Variants in SAMTOR observed in about 807,000 individuals in gnomAD.
SAMTOR encodes the protein S-adenosylmethionine sensor upstream of mTORC1.
the SAMTOR span, among the ~76,000 whole-genome samples, chr7:112,925,376 G>C: frequency 6.6e-6 from 1 of 152,130 alleles, no homozygotes; most frequent in Non-Finnish European, 1.5e-5. Context: ...ATACATAAAT[G>C]TATTATATGT....
At chr7:112,921,354 C>T in the SAMTOR span, among the ~76,000 whole-genome samples, 29 of 151,530 alleles carry the variant, frequency 1.9e-4, no homozygotes, top group East Asian at 1.9e-3. Context: ...GGAAAGGATT[C>T]CCTATTTAAT....
chr7:112,866,908 T>C, the SAMTOR span, among the ~76,000 whole-genome samples: 1 of 152,240 alleles, frequency 6.6e-6, no homozygotes. Context: ...TCAAACAATG[T>C]TACTGCTATA....
chr7:112,883,688 T>C, the SAMTOR span, among the ~76,000 whole-genome samples: 1 of 152,214 alleles, frequency 6.6e-6, no homozygotes, highest in South Asian at 2.1e-4. Flanking sequence ...TATGATAAAT[T>C]ACCTATATTT....
At chr7:112,914,577 C>T in the SAMTOR span, among the ~76,000 whole-genome samples, 1 of 151,842 alleles carries the variant, frequency 6.6e-6, no homozygotes, top group Non-Finnish European at 1.5e-5. Flanking sequence ...TGCTGGAATA[C>T]CCTGAACCGT....
chr7:112,906,573 CT>C, the SAMTOR span, among the ~76,000 whole-genome samples: 17 of 144,502 alleles, frequency 1.2e-4, no homozygotes, highest in Admixed American at 3.4e-4. Flanking sequence ...AAAGACATAT[CT>C]TTTTTTTTTT....
chr7:112,822,116 A>C, the SAMTOR span: 1 of 1,613,842 alleles, frequency 6.2e-7, no homozygotes, highest in Non-Finnish European at 8.5e-7. Flanking sequence ...GACGGTTCTG[A>C]TGGGAGGAAT....
At chr7:112,894,518 T>C in the SAMTOR span, among the ~76,000 whole-genome samples, 6 of 152,170 alleles carry the variant, frequency 3.9e-5, no homozygotes, top group South Asian at 2.1e-4. Context: ...AGAGGTTTAA[T>C]GGACTCACAG....
chr7:112,937,197 G>T, the SAMTOR span, among the ~76,000 whole-genome samples: 1 of 152,150 alleles, frequency 6.6e-6, no homozygotes, highest in Non-Finnish European at 1.5e-5. Context: ...CTGCTGATCA[G>T]CCATGTTTGG....
chr7:112,886,064 G>A, the SAMTOR span, among the ~76,000 whole-genome samples: 1 of 152,082 alleles, frequency 6.6e-6, no homozygotes, highest in African/African-American at 2.4e-5. Flanking sequence ...GAGCAAAAGG[G>A]GGAAAAGCCC....
the SAMTOR span, among the ~76,000 whole-genome samples, chr7:112,828,057 T>C: frequency 1.3e-5 from 2 of 152,196 alleles, no homozygotes; most frequent in African/African-American, 4.8e-5. Flanking sequence ...TCCACAGATG[T>C]GGAATCCAAG....
At chr7:112,906,588 GAGAC>G in the SAMTOR span, among the ~76,000 whole-genome samples, 2 of 64,154 alleles carry the variant, frequency 3.1e-5, no homozygotes, top group African/African-American at 1.1e-4. Flanking sequence ...TTTTTTTTTT[GAGAC>G]AGAGTCTTGC....
At chr7:112,903,662 G>A in the SAMTOR span, among the ~76,000 whole-genome samples, 1 of 152,152 alleles carries the variant, frequency 6.6e-6, no homozygotes, top group African/African-American at 2.4e-5. Flanking sequence ...AGGTTCAGCA[G>A]AGAGCAAGAG....
chr7:112,890,322 T>C, the SAMTOR span, among the ~76,000 whole-genome samples: 4 of 152,066 alleles, frequency 2.6e-5, no homozygotes, highest in Non-Finnish European at 4.4e-5. Context: ...ATTATGCAGA[T>C]ACTGGTGCAA....
chr7:112,939,314 G>A, the SAMTOR span: 2 of 514,478 alleles, frequency 3.9e-6, no homozygotes, highest in South Asian at 4.6e-5. Flanking sequence ...AACAACCTCA[G>A]CACCCCGGCT....
At chr7:112,861,507 T>C in the SAMTOR span, among the ~76,000 whole-genome samples, 227 of 152,296 alleles carry the variant, frequency 1.5e-3, no homozygotes, top group African/African-American at 5.3e-3. Flanking sequence ...TCATGACCGT[T>C]AGTGATTTTT....
chr7:112,901,672 T>A, the SAMTOR span, among the ~76,000 whole-genome samples: 1 of 152,218 alleles, frequency 6.6e-6, no homozygotes, highest in East Asian at 1.9e-4. Flanking sequence ...ACATATACAA[T>A]GAAGAACTGT....
chr7:112,874,201 A>G, the SAMTOR span, among the ~76,000 whole-genome samples: 1 of 152,178 alleles, frequency 6.6e-6, no homozygotes, highest in Non-Finnish European at 1.5e-5. Flanking sequence ...CTGAGTATAT[A>G]CCCAAAGGAA....
At chr7:112,835,439 A>G in the SAMTOR span, among the ~76,000 whole-genome samples, 1 of 152,148 alleles carries the variant, frequency 6.6e-6, no homozygotes, top group African/African-American at 2.4e-5. Flanking sequence ...ATTAAATGTA[A>G]TAACTGGTAT....
At chr7:112,925,794 C>A in the SAMTOR span, among the ~76,000 whole-genome samples, 29 of 107,874 alleles carry the variant, frequency 2.7e-4, no homozygotes, top group African/African-American at 7.8e-4. Context: ...AGCTCTGTCT[C>A]AAAAAAAAAA....
Sources: allele counts gnomAD v4.1 joint callset (sites outside exome capture counted in the v4.1 genomes callset), GRCh38; gene constraint gnomAD v4.1.1; transcripts MANE v1.5; gene names NCBI Gene and HGNC (gene_info 2026-07-23, HGNC 2026-07-21).